NTRK2: variants seen among roughly 807,000 people sequenced by gnomAD.
NTRK2 encodes neurotrophic receptor tyrosine kinase 2.
Under a neutral mutation model 94.5 loss-of-function variants are expected in NTRK2, and 13 were observed. That is an observed-to-expected ratio of 0.14 (90% confidence interval 0.09 to 0.22). The LOEUF is 0.22. Among genes scored for constraint, NTRK2 ranks in the 10% least tolerant of loss-of-function variants. The pLI is 1.00. For synonymous variants in NTRK2, 372 were observed against 407.4 expected (o/e 0.91, Z 1.05); for missense variants, 639 against 1,071.2 (o/e 0.60, Z 5.63).
At chr9:84,820,543 G>A (rs1447413583) in intron 12 of NTRK2, among the ~76,000 whole-genome samples, 13 of 152,072 alleles carry the variant, frequency 8.5e-5, no homozygotes, top group Non-Finnish European at 1.6e-4. Context: ...GTATCTACAT[G>A]TATTTTACGC....
intron 12 of NTRK2, among the ~76,000 whole-genome samples, chr9:84,832,724 C>G (rs1192540906): frequency 6.6e-6 from 1 of 152,176 alleles, no homozygotes; most frequent in East Asian, 1.9e-4. Flanking sequence ...GACCTGCCTT[C>G]TCCTTCATTT....
chr9:85,022,646 T>C lies in NTRK2; in HGVS notation c.*1209T>C, dbSNP rs939094991. On this transcript the variant is annotated 3_prime_UTR_variant, in exon 19 of 19. Transcript: ENST00000277120. ...CAAAATTGTGCATGGTCTTCGTCGA[T>C]TAATACCTTGTGTGCAGACACTACT... The C allele has an allele frequency of 1.7e-5, 4 of 233,150 alleles. No homozygotes were observed. Among genetic ancestry groups the C allele is most frequent in the African/African-American group, 8.8e-5 (4 of 45,356 alleles). 14.4% of individuals were successfully genotyped at this position (233,150 alleles called of 1,614,324 possible). A position where few individuals can be genotyped will look rare whatever the true frequency, so the allele number is the denominator to read the frequency against.
At chr9:84,710,838 T>C (rs201730744) in intron 6 of NTRK2, 47 bp downstream of exon 6, 14 of 1,598,242 alleles carry the variant, frequency 8.8e-6, no homozygotes, top group Non-Finnish European at 1.2e-5. Context: ...TTAATTATTC[T>C]CATTGCCTTG....
At chr9:84,939,051 C>CAAAAA (rs138558531) in intron 15 of NTRK2, among the ~76,000 whole-genome samples, 1,000 of 65,336 alleles carry the variant, frequency 0.015, 1 homozygote, top group East Asian at 0.023. Context: ...GACCCCAACT[C>CAAAAA]AAAAAAAAAA....
intron 14 of NTRK2, among the ~76,000 whole-genome samples, chr9:84,916,524 A>G (rs1449607203): frequency 1.3e-5 from 2 of 152,178 alleles, no homozygotes; most frequent in Non-Finnish European, 2.9e-5. Flanking sequence ...GGAGACACGT[A>G]AGAAGACATC....
intron 4 of NTRK2, among the ~76,000 whole-genome samples, chr9:84,705,761 T>C (rs570331979): frequency 4.6e-5 from 7 of 151,662 alleles, no homozygotes; most frequent in South Asian, 2.1e-4. Flanking sequence ...TTCAATGCAT[T>C]GTATACCAGT....
In NTRK2 at chr9:84,991,991, G is replaced by C. The variant is rs888967646; in HGVS notation, c.2173-28215G>C. 3.9e-5 allele frequency among the ~76,000 whole-genome samples: 6 copies of C among 152,114 alleles called. No homozygotes were observed. In the East Asian group the frequency reaches 1.2e-3, roughly 29 times the overall value. On this transcript the variant is annotated intron_variant, in intron 17 of 18. Transcript: ENST00000277120. ...CTCCTCCTCTGACCTCCTGTCTTTT[G>C]CCTCCCTCCATTTTGAAAACAGAGC...
chr9:84,986,210 T>C (rs4457413), intron 17 of NTRK2, among the ~76,000 whole-genome samples: 110,119 of 151,966 alleles, frequency 0.72, 40,415 homozygotes, highest in African/African-American at 0.8. Flanking sequence ...CCCCGACCCC[T>C]GCTCCATATT....
intron 17 of NTRK2, among the ~76,000 whole-genome samples, chr9:84,986,629 T>TG (rs899068626): frequency 5.9e-5 from 9 of 152,060 alleles, no homozygotes; most frequent in Admixed American, 2.0e-4. Context: ...AAACTTTTTT[T>TG]GCCACCTTAC....
chr9:84,872,261 G>A, intron 14 of NTRK2: 1 of 1,124,590 alleles, frequency 8.9e-7, no homozygotes, highest in Non-Finnish European at 1.1e-6. Context: ...GAAACTTTTT[G>A]ACAGGGAACA....
intron 12 of NTRK2, chr9:84,812,259 A>G (rs371158407): frequency 1.9e-6 from 2 of 1,056,380 alleles, no homozygotes; most frequent in East Asian, 5.3e-5. Context: ...TGCATCCTTT[A>G]CATTAGCCAC....
chr9:84,813,240 G>A (rs1291808103), intron 12 of NTRK2: 1 of 1,051,196 alleles, frequency 9.5e-7, no homozygotes, highest in African/African-American at 1.7e-5. Flanking sequence ...CTTCCAGAGG[G>A]GCCACTGTCC....
intron 14 of NTRK2, among the ~76,000 whole-genome samples, chr9:84,884,104 G>A (rs1327860592): frequency 1.3e-5 from 2 of 152,124 alleles, no homozygotes; most frequent in East Asian, 1.9e-4. Flanking sequence ...TTGAATCACC[G>A]TGTTTCAATG....
At chr9:84,776,659 A>G (rs143044746) in intron 12 of NTRK2, among the ~76,000 whole-genome samples, 68 of 152,310 alleles carry the variant, frequency 4.5e-4, no homozygotes, top group African/African-American at 1.5e-3. Context: ...AGAGGACTCT[A>G]TTACTTTTAC....
intron 13 of NTRK2, among the ~76,000 whole-genome samples, chr9:84,861,870 A>C (rs1181813163): frequency 6.6e-6 from 1 of 152,136 alleles, no homozygotes; most frequent in Non-Finnish European, 1.5e-5. Context: ...CCATAGGTAA[A>C]ATGGCAAAGT....
intron 17 of NTRK2, among the ~76,000 whole-genome samples, chr9:84,967,730 C>G (rs1825721003): frequency 6.6e-6 from 1 of 152,228 alleles, no homozygotes. Flanking sequence ...GCAGCGGAAG[C>G]TGGGGAGGAT....
chr9:84,791,914 T>G (rs2068777688), intron 12 of NTRK2, among the ~76,000 whole-genome samples: 2 of 152,182 alleles, frequency 1.3e-5, no homozygotes, highest in Non-Finnish European at 1.5e-5. Context: ...TAGTTTCAGA[T>G]GGGAATTTAT....
chr9:84,992,197 G>T (rs1023820284), intron 17 of NTRK2, among the ~76,000 whole-genome samples: 4 of 152,096 alleles, frequency 2.6e-5, no homozygotes, highest in Admixed American at 6.5e-5. Flanking sequence ...ATACCTGGGG[G>T]TATCAAGTTG....
chr9:84,804,934 G>A (rs2070934257), intron 12 of NTRK2, among the ~76,000 whole-genome samples: 1 of 152,186 alleles, frequency 6.6e-6, no homozygotes, highest in African/African-American at 2.4e-5. Flanking sequence ...AGCCTTTTGA[G>A]CATCTGAGTA....
Sources: allele counts gnomAD v4.1 joint callset (sites outside exome capture counted in the v4.1 genomes callset), GRCh38; gene constraint gnomAD v4.1.1; transcripts MANE v1.5; gene names NCBI Gene and HGNC (gene_info 2026-07-23, HGNC 2026-07-21).